DPY19L3: variants seen among roughly 807,000 people sequenced by gnomAD.
The protein encoded by DPY19L3 is protein C-mannosyl-transferase DPY19L3.
In DPY19L3, 51 loss-of-function variants were observed where a neutral mutation model predicts 92.3. That is an observed-to-expected ratio of 0.55 (90% CI 0.44 to 0.70). The LOEUF (loss-of-function observed/expected upper bound fraction) is 0.70, where lower values mean the gene tolerates loss of function less well. Among genes scored for constraint, DPY19L3 ranks in the 30% least tolerant of loss-of-function variants. The pLI is 0.00. For synonymous variants in DPY19L3, 309 were observed against 315.2 expected (o/e 0.98, Z 0.21); for missense variants, 706 against 855.9 (o/e 0.82, Z 2.18).
intron 15 of DPY19L3, among the ~76,000 whole-genome samples, chr19:32,465,505 A>AT (rs377221238): frequency 0.031 from 4,755 of 152,006 alleles, 94 homozygotes; most frequent in Middle Eastern, 0.088. Flanking sequence ...TTAAGTTTAT[A>AT]TTTTTTTTCC....
At chr19:32,413,432 A>C (rs762968975) in intron 3 of DPY19L3, among the ~76,000 whole-genome samples, 11 of 138,760 alleles carry the variant, frequency 7.9e-5, no homozygotes, top group Non-Finnish European at 1.4e-4. Flanking sequence ...ATAGTACCAA[A>C]GAAGAATAAT....
chr19:32,406,689 C>G (rs895416065), intron 1 of DPY19L3, among the ~76,000 whole-genome samples: 1 of 152,294 alleles, frequency 6.6e-6, no homozygotes, highest in Middle Eastern at 3.4e-3. Flanking sequence ...CTTCTGGTCC[C>G]TTTTCAGTTG....
intron 3 of DPY19L3, among the ~76,000 whole-genome samples, chr19:32,425,949 A>T (rs1968746731): frequency 6.6e-6 from 1 of 152,194 alleles, no homozygotes; most frequent in South Asian, 2.1e-4. Flanking sequence ...TCAGGCATTG[A>T]CTTCTCCTGA....
At chr19:32,455,976 A>G (rs1459022626) in intron 10 of DPY19L3, among the ~76,000 whole-genome samples, 1 of 152,060 alleles carries the variant, frequency 6.6e-6, no homozygotes. Flanking sequence ...CATCTGCAAA[A>G]CAGGCTCCTT....
intron 3 of DPY19L3, among the ~76,000 whole-genome samples, chr19:32,430,791 CT>C (rs11296711): frequency 0.53 from 66,555 of 125,612 alleles, 17,283 homozygotes; most frequent in East Asian, 0.6. Flanking sequence ...TGCCTGGCTA[CT>C]TTTTTTTTTT....
At chr19:32,445,423 A>G (rs889325515) in intron 8 of DPY19L3, among the ~76,000 whole-genome samples, 3 of 124,112 alleles carry the variant, frequency 2.4e-5, no homozygotes, top group Non-Finnish European at 4.9e-5. Flanking sequence ...TCTGGGGGAC[A>G]GAGCGAGACT....
chr19:32,439,969 A>G, intron 8 of DPY19L3, 59 bp downstream of exon 8: 1 of 1,584,860 alleles, frequency 6.3e-7, no homozygotes, highest in Non-Finnish European at 8.6e-7. Context: ...TTTATATCAT[A>G]GAATGAGATG....
chr19:32,420,071 G>A (rs1369588631), intron 3 of DPY19L3, among the ~76,000 whole-genome samples: 1 of 151,432 alleles, frequency 6.6e-6, no homozygotes, highest in Admixed American at 6.6e-5. Flanking sequence ...TCTTGGCCAG[G>A]ATGGTCTCGA....
intron 7 of DPY19L3, among the ~76,000 whole-genome samples, 183 bp from the exon 8 acceptor site, chr19:32,439,593 T>C (rs781393114): frequency 7.2e-5 from 11 of 152,218 alleles, no homozygotes; most frequent in African/African-American, 9.6e-5. Flanking sequence ...TGTGAATATT[T>C]ATATGCAAAG....
At chr19:32,447,775 A>AGATAGATTGATTGATTGATTGATT (rs1237623603) in intron 8 of DPY19L3, among the ~76,000 whole-genome samples, 1 of 126,942 alleles carries the variant, frequency 7.9e-6, no homozygotes, top group Admixed American at 7.8e-5. Context: ...ATAGATAGAT[A>AGATAGATTGATTGATTGATTGATT]GATTAGATAA....
chr19:32,426,357 G>A (rs753224432), intron 3 of DPY19L3, among the ~76,000 whole-genome samples: 3 of 152,166 alleles, frequency 2.0e-5, no homozygotes, highest in African/African-American at 7.2e-5. Flanking sequence ...TCATTGGTGC[G>A]TTCACTGGAG....
chr19:32,477,495 G>C, intron 16 of DPY19L3, 27 bp from the exon 17 acceptor site: 1 of 1,613,950 alleles, frequency 6.2e-7, no homozygotes, highest in Non-Finnish European at 8.5e-7. Context: ...TAACAGTGGG[G>C]TTAATTCAGA....
intron 3 of DPY19L3, among the ~76,000 whole-genome samples, chr19:32,420,489 G>C (rs1968532384): frequency 6.6e-6 from 1 of 151,958 alleles, no homozygotes; most frequent in East Asian, 1.9e-4. Flanking sequence ...CTGTCGCCCA[G>C]GCTGGGGTAC....
intron 3 of DPY19L3, among the ~76,000 whole-genome samples, chr19:32,417,705 T>C (rs1184500358): frequency 6.6e-6 from 1 of 152,234 alleles, no homozygotes; most frequent in Non-Finnish European, 1.5e-5. Flanking sequence ...CCTCATTCAC[T>C]TTCTGCCATG....
chr19:32,409,710 A>G (rs1249733183), intron 2 of DPY19L3, among the ~76,000 whole-genome samples: 1 of 152,076 alleles, frequency 6.6e-6, no homozygotes, highest in African/African-American at 2.4e-5. Context: ...TAGAGATCAC[A>G]TGACCAGAGT....
At chr19:32,471,599 C>A (rs866015126) in intron 16 of DPY19L3, among the ~76,000 whole-genome samples, 1 of 152,146 alleles carries the variant, frequency 6.6e-6, no homozygotes, top group South Asian at 2.1e-4. Context: ...TGTCCCGCCC[C>A]GTGTCCTTGC....
intron 3 of DPY19L3, among the ~76,000 whole-genome samples, chr19:32,422,730 C>T (rs911329009): frequency 6.6e-6 from 1 of 151,886 alleles, no homozygotes; most frequent in African/African-American, 2.4e-5. Flanking sequence ...ATTGAAGGGG[C>T]AGAGCAGTTT....
intron 1 of DPY19L3, among the ~76,000 whole-genome samples, chr19:32,407,288 G>A (rs1465381394): frequency 1.6e-4 from 5 of 31,780 alleles, no homozygotes; most frequent in South Asian, 2.1e-3. Flanking sequence ...TACTCCCACC[G>A]ACGCTCCCTG....
intron 12 of DPY19L3, among the ~76,000 whole-genome samples, chr19:32,463,049 C>A (rs1382143298): frequency 2.0e-5 from 3 of 149,924 alleles, no homozygotes; most frequent in African/African-American, 7.3e-5. Flanking sequence ...TTTTAAAAAT[C>A]TCTTTCAATT....
Sources: gnomAD v4.1 joint callset for allele counts (sites outside exome capture counted in the v4.1 genomes callset) on GRCh38, gnomAD v4.1.1 for gene constraint, MANE v1.5 for transcripts, NCBI Gene and HGNC (gene_info 2026-07-23, HGNC 2026-07-21) for gene names.